The following SRRM2 variants were observed in gnomAD, a reference collection of about 807,000 sequenced individuals.
SRRM2 encodes serine/arginine repetitive matrix protein 2.
Under a neutral mutation model 213.8 loss-of-function variants are expected in SRRM2, and 30 were observed. That is an observed-to-expected ratio of 0.14 (90% CI 0.10 to 0.19). The LOEUF is 0.19. Among genes scored for constraint, SRRM2 ranks in the 10% least tolerant of loss-of-function variants. The pLI is 1.00. For missense variants in SRRM2, 4,904 were observed against 3,647.0 expected (o/e 1.34, Z -8.88); for synonymous variants, 2,025 against 1,377.7 (o/e 1.47, Z -10.40).
intron 9 of SRRM2, 81 bp downstream of exon 9, chr16:2,759,742 G>A: frequency 7.6e-7 from 1 of 1,312,842 alleles, no homozygotes; most frequent in Non-Finnish European, 1.1e-6. Context: ...CCCACGGTGT[G>A]CTAGGCGCTG....
chr16:2,770,496 C>T (rs2068704511), intron 13 of SRRM2, 31 bp downstream of exon 13: 1 of 1,582,274 alleles, frequency 6.3e-7, no homozygotes, highest in Non-Finnish European at 8.6e-7. Flanking sequence ...CAGCACCCAG[C>T]CTGTCTGGCC....
In SRRM2 at chr16:2,769,241, C is replaced by T; in HGVS notation, c.7978C>T (p.Pro2660Ser). The T allele has an allele frequency of 6.3e-7, 1 of 1,579,988 alleles. No homozygotes were observed. Residue 2660 changes from proline (P) to serine (S), a missense_variant, in exon 12 of 15, where the codon CCC becomes TCC. Pro to Ser is a moderately conservative substitution (Grantham distance 74). Coordinates refer to ENST00000301740, the MANE Select transcript of SRRM2 (RefSeq NM_016333.4). ...SPAKPGPQAL[P>S]KPASPKKPPP... ...TGCTAAGCCTGGCCCTCAGGCCTTG[C>T]CCAAACCTGCAAGCCCCAAGAAGCC...
In SRRM2 at chr16:2,763,056, A is replaced by T; in HGVS notation, c.2528A>T (p.Lys843Ile). The T allele has an allele frequency of 6.2e-7, 1 of 1,613,940 alleles. No individual in the cohort carries two copies. The highest frequency in any genetic ancestry group is 1.3e-5 in the African/African-American group (1 of 74,924). Residue 843 changes from lysine (K) to isoleucine (I), a missense_variant, in exon 11 of 15, where the codon AAA becomes ATA. Coordinates refer to ENST00000301740, the MANE Select transcript of SRRM2 (RefSeq NM_016333.4). Reference sequence around the variant, plus strand: ...CATTCCAGTTCATCTCCTCATCCTAAAGTGAAATCTGGAACACCACCGAGG... The same window carrying T: ...CATTCCAGTTCATCTCCTCATCCTATAGTGAAATCTGGAACACCACCGAGG... ...QSHSSSSPHP[K>I]VKSGTPPRQG...
chr16:2,758,897 T>G, intron 5 of SRRM2, 88 bp from the exon 6 acceptor site: 8 of 1,491,652 alleles, frequency 5.4e-6, no homozygotes, highest in Non-Finnish European at 7.4e-6. Context: ...TTCAAGTGTT[T>G]TAGAAACCTT....
rs113294042 is a variant in SRRM2 at position 2,759,261 on chromosome 16, C to G, written c.689+89C>G. On this transcript the variant is annotated intron_variant, in intron 7 of 14. Coordinates refer to ENST00000301740, the MANE Select transcript of SRRM2 (RefSeq NM_016333.4). ...AGTGAAGCTCAATTCCTTGATCTTC[C>G]TTGTGTCAACACTCCCTCTTTCCAT... is the stretch of plus-strand genomic sequence containing the variant. The G allele has an allele frequency of 3.1e-3, 4,983 of 1,603,714 alleles. 13 individuals carry two copies. The highest frequency in any genetic ancestry group is 3.4e-3 in the Non-Finnish European group (3,994 of 1,175,340).
At position 2,752,683 on chromosome 16, in the gene SRRM2, T is replaced by G. The variant is rs2240146; in HGVS notation, c.-195T>G. On this transcript the variant is annotated 5_prime_UTR_variant, in exon 1 of 15. Transcript: ENST00000301740. ...CCAGGCGGGGTGCGAGTGGCGCAGT[T>G]GGAGCCCGTTGCGGCCCCTGAGGAA... 3 of 307,490 alleles carry G rather than the reference T, an allele frequency of 9.8e-6. No individual in the cohort carries two copies. The highest frequency in any genetic ancestry group is 4.6e-5 in the African/African-American group (2 of 43,242). 19.0% of individuals were successfully genotyped at this position (307,490 alleles called of 1,614,324 possible).
chr16:2,753,714 C>T (rs561915237), intron 1 of SRRM2: 3 of 152,294 alleles, frequency 2.0e-5, no homozygotes, highest in East Asian at 3.9e-4. Flanking sequence ...TCAGTTAGGA[C>T]GAATCTGGAT....
rs750043503 is a variant in SRRM2, at chr16:2,756,363, C to A, written c.-2C>A. ...GGTGGTGCCCCCCCCGGGCACGGGG[C>A]CATGTACAACGGGATCGGGCTGCCG... On this transcript the variant is annotated 5_prime_UTR_variant, in exon 2 of 15. Coordinates refer to ENST00000301740, the MANE Select transcript of SRRM2 (RefSeq NM_016333.4). 1.2e-6 allele frequency: 2 copies of A among 1,600,532 alleles called. No individual in the cohort carries two copies. Among genetic ancestry groups the A allele is most frequent in the Non-Finnish European group, 1.7e-6 (2 of 1,175,790 alleles).
intron 13 of SRRM2, 29 bp downstream of exon 13, chr16:2,770,494 A>G: frequency 6.3e-7 from 1 of 1,586,008 alleles, no homozygotes; most frequent in Non-Finnish European, 8.6e-7. Flanking sequence ...GTCAGCACCC[A>G]GCCTGTCTGG....
In SRRM2 at chr16:2,762,690, G is replaced by T; in HGVS notation, c.2162G>T (p.Arg721Ile). The T allele has an allele frequency of 6.2e-7, 1 of 1,614,202 alleles. No homozygotes were observed. The highest frequency in any genetic ancestry group is 8.5e-7 in the Non-Finnish European group (1 of 1,180,038). The change falls in exon 11 of 15, where the codon AGA (arginine) becomes ATA (isoleucine). Residue 721 changes from arginine to isoleucine, a missense_variant. Arg to Ile is a moderately conservative substitution (Grantham distance 97). Coordinates refer to ENST00000301740, the MANE Select transcript of SRRM2 (RefSeq NM_016333.4). ...TCTCACTCTAGAACACCTCAAAGAAGAGGCAGATCTGGCTCATCTTCAGAG... is the reference window on the plus strand; with the variant it reads ...TCTCACTCTAGAACACCTCAAAGAATAGGCAGATCTGGCTCATCTTCAGAG... The part of the protein sequence containing the change: ...GRSHSRTPQR[R>I]GRSGSSSERK...
chr16:2,769,426 C>T (rs1221708888), intron 12 of SRRM2, 142 bp downstream of exon 12: 11 of 959,002 alleles, frequency 1.1e-5, no homozygotes, highest in Non-Finnish European at 1.7e-5. Flanking sequence ...TTGCTCTCCT[C>T]TCCCCATGCT....
chr16:2,757,632 T>G, intron 3 of SRRM2, 53 bp downstream of exon 3: 2 of 1,579,988 alleles, frequency 1.3e-6, no homozygotes, highest in Non-Finnish European at 1.7e-6. Context: ...GGCTGCTGGC[T>G]GCTGCTGCTG....
At position 2,765,973 on chromosome 16, in the gene SRRM2, G is replaced by C; in HGVS notation, c.5445G>C (p.Arg1815Ser). Residue 1815 changes from arginine to serine, a missense_variant, in exon 11 of 15, where the codon AGG becomes AGC. By Grantham distance (110) the Arg-to-Ser change is moderately radical. Transcript: ENST00000301740. ...GGTCGCGGGTTACTCGGCGGCGGAG[G>C]GGAGGCTCTGGTTATCACTCAAGGT... The part of the protein sequence containing the change: ...RSRSRVTRRR[R>S]GGSGYHSRSP... 6.2e-7 allele frequency: 1 copy of C among 1,614,110 alleles called. No homozygotes were observed. The highest frequency in any genetic ancestry group is 8.5e-7 in the Non-Finnish European group (1 of 1,180,020).
Position 2,767,427 on chromosome 16 carries a change from C to A in SRRM2, c.6899C>A (p.Ala2300Asp). ...GCCCCAGCTGTGAACCTAGCAGGGG[C>A]CAGAACCCCAGCTGCCTTGGCAGCT... ...PTAPAVNLAG[A>D]RTPAALAALS... Residue 2300 changes from alanine (A) to aspartate (D), a missense_variant, in exon 11 of 15, where the codon GCC becomes GAC. Physicochemically the swap from Ala to Asp is moderately radical, Grantham distance 126. Transcript: ENST00000301740. 6.2e-7 allele frequency: 1 copy of A among 1,614,078 alleles called. No individual in the cohort carries two copies.
intron 10 of SRRM2, 144 bp downstream of exon 10, chr16:2,760,643 T>G: frequency 1.1e-6 from 1 of 872,232 alleles, no homozygotes; most frequent in Non-Finnish European, 1.7e-6. Context: ...GTTCTCTTAC[T>G]GCATCTGCAG....
Position 2,762,386 on chromosome 16 carries a change from C to G in SRRM2, c.1858C>G (p.Pro620Ala). ...ARRGRSRSRT[P>A]ARRRSRTRSP... ...GAGGGGCAGGTCTCGGTCTAGAACACCTGCTAGGCGCAGATCTAGGACCCG... is the reference window on the plus strand; with the variant it reads ...GAGGGGCAGGTCTCGGTCTAGAACAGCTGCTAGGCGCAGATCTAGGACCCG... Residue 620 changes from proline (P) to alanine (A), a missense_variant, in exon 11 of 15, where the codon CCT (proline) becomes GCT (alanine). Coordinates refer to ENST00000301740, the MANE Select transcript of SRRM2 (RefSeq NM_016333.4). The G allele has an allele frequency of 6.2e-7, 1 of 1,614,194 alleles. No individual in the cohort carries two copies. Among genetic ancestry groups the G allele is most frequent in the Non-Finnish European group, 8.5e-7 (1 of 1,180,042 alleles).
chr16:2,769,799 C>G (rs2068678324), intron 12 of SRRM2: 4 of 465,980 alleles, frequency 8.6e-6, no homozygotes, highest in Non-Finnish European at 1.7e-5. Context: ...GGCTCTTCAC[C>G]AACGGGCCTT....
At position 2,763,263 on chromosome 16, in the gene SRRM2, C is replaced by G. The variant is rs756819488; in HGVS notation, c.2735C>G (p.Ser912Ter). ...CCTCCCAGACAGAGCCCATCTAGGT[C>G]ATCATCTCCACAACCCAAAGTGAAG... ...STPPRQSPSR[S>*]SSPQPKVKAI... The change falls in exon 11 of 15, where the codon TCA becomes TGA. Residue 912 changes from serine to a stop codon, truncating the protein, a stop_gained. Transcript: ENST00000301740. LOFTEE classifies it high-confidence loss of function. 1 of 1,613,340 alleles carries G rather than the reference C, an allele frequency of 6.2e-7. No homozygotes were observed. The highest frequency in any genetic ancestry group is 1.7e-5 in the Admixed American group (1 of 60,008).
chr16:2,769,943 C>A, intron 12 of SRRM2: 1 of 442,558 alleles, frequency 2.3e-6, no homozygotes, highest in South Asian at 1.7e-5. Flanking sequence ...CCTTGTCCGC[C>A]TGGTGAACTC....
Sources: allele counts gnomAD v4.1 joint callset, GRCh38; gene constraint gnomAD v4.1.1; transcripts MANE v1.5; gene names NCBI Gene and HGNC (gene_info 2026-07-23, HGNC 2026-07-21).